Variants in PLAAT1 observed in about 807,000 individuals in gnomAD.
The protein encoded by PLAAT1 is phospholipase A and acyltransferase 1.
PLAAT1 carries 13 observed loss-of-function variants against 16.4 expected under a neutral mutation model. The observed-to-expected ratio is 0.79, with a 90% CI of 0.52 to 1.26. PLAAT1 has a LOEUF of 1.26. Among genes scored for constraint, PLAAT1 ranks in the 50% most tolerant of loss-of-function variants. The probability of loss-of-function intolerance (pLI) is 0.00; values close to 1 mark genes in which losing one functional copy is unlikely to be tolerated. For synonymous variants in PLAAT1, 73 were observed against 78.4 expected (o/e 0.93, Z 0.36); for missense variants, 218 against 207.8 (o/e 1.05, Z -0.30).
In PLAAT1 at chr3:193,248,362, A is replaced by G. The variant is rs1716060306; in HGVS notation, c.-1+6829A>G. Among the ~76,000 whole-genome samples the G allele has an allele frequency of 3.3e-5, 5 of 151,804 alleles. No individual in the cohort carries two copies. The South Asian group carries it at 1.0e-3, about 32-fold the overall frequency. ...ATAGTTGGGTCTTTTTTTTTAATCC[A>G]TTGAACCATTCAATATGTTTTGACT... On this transcript the variant is annotated intron_variant, in intron 1 of 3. Coordinates refer to ENST00000264735, the MANE Select transcript of PLAAT1 (RefSeq NM_020386.5).
chr3:193,275,444 A>C (rs1577316512), downstream of PLAAT1: 1 of 972,676 alleles, frequency 1.0e-6, no homozygotes, highest in African/African-American at 1.6e-5. Context: ...TCCTTTCCCA[A>C]GTTCTGGAAT....
chr3:193,251,151 G>A (rs751661004), intron 1 of PLAAT1, among the ~76,000 whole-genome samples: 9 of 152,136 alleles, frequency 5.9e-5, no homozygotes, highest in Non-Finnish European at 1.3e-4. Flanking sequence ...CTCAGGCATG[G>A]AGAGATCCCC....
intron 1 of PLAAT1, among the ~76,000 whole-genome samples, chr3:193,245,122 G>A (rs1160750709): frequency 1.3e-5 from 2 of 152,154 alleles, no homozygotes; most frequent in African/African-American, 2.4e-5. Context: ...AACATGCAGT[G>A]CAATAAATCA....
downstream of PLAAT1, chr3:193,279,494 A>G (rs768917380): frequency 4.5e-6 from 7 of 1,540,792 alleles, no homozygotes; most frequent in Admixed American, 1.2e-4. Context: ...TGTTAAAAGA[A>G]TGTTTCATAT....
chr3:193,241,388 G>C lies in PLAAT1; in HGVS notation c.-146G>C, dbSNP rs1577294359. The C allele has an allele frequency of 1.6e-6, 2 of 1,231,752 alleles. No homozygotes were observed. Among genetic ancestry groups the C allele is most frequent in the Non-Finnish European group, 2.0e-6 (2 of 987,996 alleles). 76.3% of individuals were successfully genotyped at this position (1,231,752 alleles called of 1,614,324 possible). A position where few individuals can be genotyped will look rare whatever the true frequency, so the allele number is the denominator to read the frequency against. ...AGGACGGCCCCGAGTGATGGCTGGC[G>C]CCTGCCTCCCGGGTGTCTCCCGGGT... On this transcript the variant is annotated 5_prime_UTR_variant, in exon 1 of 4. Transcript: ENST00000264735.
chr3:193,263,300 CCCAGGCCTCAAA>C, intron 3 of PLAAT1, 65 bp downstream of exon 3: 1 of 1,474,108 alleles, frequency 6.8e-7, no homozygotes, highest in Non-Finnish European at 9.3e-7. Context: ...TGATAAGGTT[CCCAGGCCTCAAA>C]CCAAATGAAA....
chr3:193,264,369 T>G (rs1716700854), intron 3 of PLAAT1, among the ~76,000 whole-genome samples: 1 of 152,252 alleles, frequency 6.6e-6, no homozygotes, highest in South Asian at 2.1e-4. Context: ...ATTGTGGTTT[T>G]GATTTGCATT....
At chr3:193,265,396 T>C (rs1343533708) in intron 3 of PLAAT1, among the ~76,000 whole-genome samples, 1 of 152,188 alleles carries the variant, frequency 6.6e-6, no homozygotes, top group African/African-American at 2.4e-5. Flanking sequence ...AGAGACTACA[T>C]ATTATATTAT....
chr3:193,249,029 A>G (rs935337437), intron 1 of PLAAT1, among the ~76,000 whole-genome samples: 13 of 152,050 alleles, frequency 8.5e-5, no homozygotes, highest in African/African-American at 3.1e-4. Flanking sequence ...TATCTGAGAA[A>G]GTTTTTTTTA....
Position 193,251,898 on chromosome 3 carries a change from A to G in PLAAT1, c.1-3753A>G, listed in dbSNP as rs562425764. Among the ~76,000 whole-genome samples the G allele has an allele frequency of 2.6e-5, 4 of 152,128 alleles. No homozygotes were observed. The South Asian group carries it at 8.3e-4, about 32-fold the overall frequency. Reference sequence around the variant, plus strand: ...TAGTTAGGGAGCCTCCTATTACACCATTTTGCTGAGGTCCCCTTATTGTGG... The same window carrying G: ...TAGTTAGGGAGCCTCCTATTACACCGTTTTGCTGAGGTCCCCTTATTGTGG... On this transcript the variant is annotated intron_variant, in intron 1 of 3. Coordinates refer to ENST00000264735, the MANE Select transcript of PLAAT1 (RefSeq NM_020386.5).
intron 2 of PLAAT1, among the ~76,000 whole-genome samples, chr3:193,262,217 G>A (rs1231787306): frequency 6.6e-6 from 1 of 152,186 alleles, no homozygotes; most frequent in Non-Finnish European, 1.5e-5. Flanking sequence ...ATGCTTATGA[G>A]CAGAGGCAGC....
chr3:193,241,070 T>G, upstream of PLAAT1: 1 of 557,488 alleles, frequency 1.8e-6, no homozygotes, highest in Non-Finnish European at 2.6e-6. Context: ...GTGCGTTGCG[T>G]GCGCGCGCGG....
chr3:193,248,694 C>G (rs550320936), intron 1 of PLAAT1, among the ~76,000 whole-genome samples: 1 of 152,192 alleles, frequency 6.6e-6, no homozygotes, highest in Non-Finnish European at 1.5e-5. Context: ...AAACTCTAAA[C>G]TTTTACTATC....
At position 193,241,337 on chromosome 3, in the gene PLAAT1, G is replaced by T. The variant is rs901287373; in HGVS notation, c.-197G>T. 8.1e-7 allele frequency: 1 copy of T among 1,231,426 alleles called. No individual in the cohort carries two copies. The highest frequency in any genetic ancestry group is 3.2e-5 in the East Asian group (1 of 31,674). 76.3% of individuals were successfully genotyped at this position (1,231,426 alleles called of 1,614,324 possible). A position where few individuals can be genotyped will look rare whatever the true frequency, so the allele number is the denominator to read the frequency against. ...GCCGCCGGGACCGTTTCAGCGTGGC[G>T]GCGCTGGTGCTGGCGTTGGCCCTGG... On this transcript the variant is annotated 5_prime_UTR_variant, in exon 1 of 4. Coordinates refer to ENST00000264735, the MANE Select transcript of PLAAT1 (RefSeq NM_020386.5).
chr3:193,281,330 C>T (rs374870485), downstream of PLAAT1: 32 of 335,722 alleles, frequency 9.5e-5, no homozygotes, highest in African/African-American at 5.3e-4. Context: ...AACTAGGTCT[C>T]GCCTGTGCAC....
chr3:193,263,286 G>C (rs887507987), intron 3 of PLAAT1, 51 bp downstream of exon 3: 1 of 1,552,360 alleles, frequency 6.4e-7, no homozygotes, highest in African/African-American at 1.4e-5. Context: ...ATAACTATTG[G>C]CTATGATAAG....
intron 1 of PLAAT1, among the ~76,000 whole-genome samples, chr3:193,241,792 A>C (rs903611435): frequency 5.3e-5 from 8 of 152,150 alleles, no homozygotes; most frequent in African/African-American, 1.9e-4. Flanking sequence ...CACTGAAGTG[A>C]ATATGAATAA....
At chr3:193,263,351 G>A (rs1716661408) in intron 3 of PLAAT1, 116 bp downstream of exon 3, 1 of 993,858 alleles carries the variant, frequency 1.0e-6, no homozygotes, top group Non-Finnish European at 1.5e-6. Context: ...AATACTGAAG[G>A]ATAGAGAATG....
chr3:193,259,517 A>T (rs1434496626), intron 2 of PLAAT1, among the ~76,000 whole-genome samples: 1 of 152,204 alleles, frequency 6.6e-6, no homozygotes, highest in East Asian at 1.9e-4. Flanking sequence ...CTGATAAACA[A>T]CTTCAGTAAA....
Sources: gnomAD v4.1 joint callset for allele counts (sites outside exome capture counted in the v4.1 genomes callset) on GRCh38, gnomAD v4.1.1 for gene constraint, MANE v1.5 for transcripts, NCBI Gene and HGNC (gene_info 2026-07-23, HGNC 2026-07-21) for gene names.